CAST: variants seen among roughly 807,000 people sequenced by gnomAD.
CAST encodes calpastatin.
Under a neutral mutation model 119.6 loss-of-function variants are expected in CAST, and 76 were observed. That is an observed-to-expected ratio of 0.64 (90% CI 0.53 to 0.77). CAST has a LOEUF of 0.77. CAST is among the 30% of genes least tolerant of loss of function. The pLI, the probability that CAST is intolerant of heterozygous loss-of-function variation, is 0.00. For synonymous variants in CAST, 319 were observed against 331.6 expected (o/e 0.96, Z 0.41); for missense variants, 953 against 946.5 (o/e 1.01, Z -0.09).
chr5:96,239,893 G>A, the CAST span, among the ~76,000 whole-genome samples: 5,782 of 151,024 alleles, frequency 0.038, 385 homozygotes, highest in African/African-American at 0.13. Context: ...ATAATTTTGC[G>A]TCTTTTGGAC....
the CAST span, among the ~76,000 whole-genome samples, chr5:96,201,543 T>C: frequency 3.9e-5 from 6 of 152,128 alleles, no homozygotes; most frequent in East Asian, 1.2e-3. Context: ...TTCTCCTTTA[T>C]TGGTTGGTAA....
chr5:96,694,367 G>A (rs1753046063), intron 2 of CAST, among the ~76,000 whole-genome samples: 1 of 152,162 alleles, frequency 6.6e-6, no homozygotes, highest in Admixed American at 6.5e-5. Context: ...GCCAGGCACG[G>A]TGGCTCACGC....
At chr5:96,567,933 G>A (rs985621457) in intron 1 of CAST, among the ~76,000 whole-genome samples, 2 of 152,170 alleles carry the variant, frequency 1.3e-5, no homozygotes, top group Admixed American at 1.3e-4. Flanking sequence ...GAGCTTCAGA[G>A]TTCCATGGAG....
chr5:96,750,226 A>G (rs1022993717), intron 19 of CAST, among the ~76,000 whole-genome samples: 1 of 152,232 alleles, frequency 6.6e-6, no homozygotes, highest in African/African-American at 2.4e-5. Flanking sequence ...GCTCAAATGT[A>G]TTGAGCTAAC....
chr5:96,534,737 G>GAGAGAGAGAAAGAGAA lies in CAST; in HGVS notation c.60+4862_60+4863insGAGAAAGAGAAAGAGA, dbSNP rs1561408818. ...AAGGAGAGAGAGAGAGAGAGAGAGAGAGAGAAAGAAAGAAAGAAAGAAAGA... is the reference window on the plus strand; with the variant it reads ...AAGGAGAGAGAGAGAGAGAGAGAGAGAGAGAGAGAAAGAGAAAGAGAAAGAAAGAAAGAAAGAAAGA... On this transcript the variant is annotated intron_variant, in intron 1 of 11. Transcript: ENST00000505143. Among the ~76,000 whole-genome samples, 90 of 14,228 alleles carry GAGAGAGAGAAAGAGAA rather than the reference G, an allele frequency of 6.3e-3. 11 individuals carry two copies. The highest frequency in any genetic ancestry group is 0.053 in the Middle Eastern group (2 of 38). 9.3% of individuals were successfully genotyped at this position (14,228 alleles called of 152,430 possible). A position where few individuals can be genotyped will look rare whatever the true frequency, so the allele number is the denominator to read the frequency against.
chr5:96,439,103 T>C, the CAST span, among the ~76,000 whole-genome samples: 1 of 152,210 alleles, frequency 6.6e-6, no homozygotes, highest in Non-Finnish European at 1.5e-5. Context: ...TAATTTATAA[T>C]GGTTGCATAG....
At chr5:96,062,329 T>A in the CAST span, among the ~76,000 whole-genome samples, 2 of 152,154 alleles carry the variant, frequency 1.3e-5, no homozygotes, top group African/African-American at 4.8e-5. Context: ...TTGGAGATGA[T>A]AACTTGTGAG....
At chr5:96,316,485 C>T in the CAST span, among the ~76,000 whole-genome samples, 1 of 152,134 alleles carries the variant, frequency 6.6e-6, no homozygotes, top group Non-Finnish European at 1.5e-5. Flanking sequence ...ATGTGCAAAC[C>T]TGGGACTAGA....
intron 2 of CAST, among the ~76,000 whole-genome samples, chr5:96,686,555 C>T (rs1438457711): frequency 6.6e-6 from 1 of 152,062 alleles, no homozygotes; most frequent in African/African-American, 2.4e-5. Flanking sequence ...AGGCAAGGTC[C>T]TGATTGGAGA....
At chr5:96,362,376 A>G in the CAST span, among the ~76,000 whole-genome samples, 1 of 152,200 alleles carries the variant, frequency 6.6e-6, no homozygotes, top group Non-Finnish European at 1.5e-5. Flanking sequence ...GTCAAATGGT[A>G]TTTCTAATTC....
the CAST span, among the ~76,000 whole-genome samples, chr5:95,996,973 CA>C: frequency 6.7e-6 from 1 of 148,830 alleles, no homozygotes; most frequent in African/African-American, 2.5e-5. Flanking sequence ...AATAGTAAAA[CA>C]AAAAAAAAGA....
At chr5:96,134,982 G>A in the CAST span, among the ~76,000 whole-genome samples, 1 of 152,162 alleles carries the variant, frequency 6.6e-6, no homozygotes, top group East Asian at 1.9e-4. Context: ...GGAGTGAGAA[G>A]GAGAAAGACA....
chr5:96,121,341 T>G, the CAST span, among the ~76,000 whole-genome samples: 1 of 152,148 alleles, frequency 6.6e-6, no homozygotes, highest in Non-Finnish European at 1.5e-5. Flanking sequence ...TTGTTTTTGT[T>G]GTTGTCCCTG....
At chr5:96,141,358 G>T in the CAST span, among the ~76,000 whole-genome samples, 1 of 152,136 alleles carries the variant, frequency 6.6e-6, no homozygotes, top group Non-Finnish European at 1.5e-5. Context: ...AGAAATGGTT[G>T]GCATTCTCCA....
chr5:96,741,692 T>G, intron 15 of CAST, 112 bp downstream of exon 15: 1 of 704,718 alleles, frequency 1.4e-6, no homozygotes, highest in Non-Finnish European at 2.5e-6. Flanking sequence ...TTTTTCCCTC[T>G]CAGGTCTATG....
chr5:96,413,434 G>C, the CAST span, among the ~76,000 whole-genome samples: 1 of 152,198 alleles, frequency 6.6e-6, no homozygotes, highest in African/African-American at 2.4e-5. Flanking sequence ...TATTTACTAT[G>C]GAGCAAAGGT....
the CAST span, among the ~76,000 whole-genome samples, chr5:96,371,720 T>C: frequency 6.6e-6 from 1 of 152,168 alleles, no homozygotes; most frequent in African/African-American, 2.4e-5. Flanking sequence ...GTTGAAAGTA[T>C]GAAAAAGGAA....
chr5:96,583,802 AC>A (rs1472435154), intron 1 of CAST, among the ~76,000 whole-genome samples: 3 of 152,174 alleles, frequency 2.0e-5, no homozygotes, highest in Admixed American at 6.5e-5. Flanking sequence ...TTGTATTGTT[AC>A]TTGATTTTTC....
chr5:96,620,423 A>T lies in CAST; in HGVS notation c.61-55116A>T, dbSNP rs576746289. On this transcript the variant is annotated intron_variant, in intron 1 of 11. Coordinates refer to the CAST transcript ENST00000505143. The stretch of plus-strand genomic sequence containing the variant: ...TTTTCTGAGGCTAGCAGTATGCTTC[A>T]TGATCTTTCTTGTGGTGCTGGGCAG... 2.0e-5 allele frequency among the ~76,000 whole-genome samples: 3 copies of T among 152,020 alleles called. No individual in the cohort carries two copies. In the South Asian group the frequency reaches 6.2e-4, roughly 32 times the overall value.
Sources: allele counts gnomAD v4.1 joint callset (sites outside exome capture counted in the v4.1 genomes callset), GRCh38; gene constraint gnomAD v4.1.1; transcripts MANE v1.5; gene names NCBI Gene and HGNC (gene_info 2026-07-23, HGNC 2026-07-21).